Variants in CDH6 observed in about 807,000 individuals in gnomAD.
The protein encoded by CDH6 is cadherin-6.
In CDH6, 31 loss-of-function variants were observed where a neutral mutation model predicts 78.0. The ratio of observed to expected loss-of-function variants is 0.40; its 90% CI spans 0.30 to 0.54. CDH6 has a LOEUF of 0.54. Among genes scored for constraint, CDH6 ranks in the 20% least tolerant of loss-of-function variants. CDH6 has a pLI of 0.56. For synonymous variants in CDH6, 376 were observed against 368.8 expected (o/e 1.02, Z -0.23); for missense variants, 724 against 975.9 (o/e 0.74, Z 3.44).
chr5:31,233,120 T>G (rs748614255), intron 1 of CDH6, among the ~76,000 whole-genome samples: 2 of 152,078 alleles, frequency 1.3e-5, no homozygotes, highest in Non-Finnish European at 2.9e-5. Context: ...TAAACACACT[T>G]ATATATGCAC....
intron 1 of CDH6, among the ~76,000 whole-genome samples, chr5:31,238,778 C>G (rs564471510): frequency 9.2e-5 from 14 of 152,184 alleles, no homozygotes; most frequent in Non-Finnish European, 1.8e-4. Flanking sequence ...CTAATAGCTA[C>G]TGAACTGGAC....
intron 2 of CDH6, among the ~76,000 whole-genome samples, chr5:31,273,345 A>G (rs1171727411): frequency 6.6e-6 from 1 of 152,232 alleles, no homozygotes; most frequent in African/African-American, 2.4e-5. Flanking sequence ...TTCAAATAGC[A>G]ATGTCAGATG....
intron 6 of CDH6, among the ~76,000 whole-genome samples, 160 bp from the exon 7 acceptor site, chr5:31,305,014 A>T (rs866505333): frequency 6.6e-6 from 1 of 152,178 alleles, no homozygotes; most frequent in Non-Finnish European, 1.5e-5. Context: ...ATTACATCTT[A>T]TCTTTTCTCC....
chr5:31,279,170 G>A (rs1190806807), intron 2 of CDH6, among the ~76,000 whole-genome samples: 2 of 152,112 alleles, frequency 1.3e-5, no homozygotes, highest in African/African-American at 4.8e-5. Context: ...CAAAAACTTA[G>A]CTACAAATGG....
chr5:31,315,554 C>T (rs1738296223), intron 8 of CDH6, among the ~76,000 whole-genome samples: 1 of 152,222 alleles, frequency 6.6e-6, no homozygotes, highest in Non-Finnish European at 1.5e-5. Context: ...TCCGCTTTAT[C>T]ATTAATTCCA....
intron 1 of CDH6, among the ~76,000 whole-genome samples, chr5:31,253,718 A>G (rs1466811235): frequency 6.6e-6 from 1 of 152,148 alleles, no homozygotes; most frequent in Non-Finnish European, 1.5e-5. Context: ...TATCATATTT[A>G]ATTTTTATAA....
intron 2 of CDH6, among the ~76,000 whole-genome samples, chr5:31,290,006 G>A (rs112075700): frequency 0.018 from 2,751 of 151,020 alleles, 99 homozygotes; most frequent in African/African-American, 0.063. Context: ...CTGTAATCCC[G>A]GCACTTTGGG....
chr5:31,281,934 G>A (rs1742876597), intron 2 of CDH6, among the ~76,000 whole-genome samples: 1 of 151,988 alleles, frequency 6.6e-6, no homozygotes, highest in African/African-American at 2.4e-5. Context: ...AAAAAATGGA[G>A]AAAATAAAAG....
rs201490664 is a variant in CDH6, at chr5:31,308,141, A to G, written c.1253+2714A>G. 2.3e-4 allele frequency among the ~76,000 whole-genome samples: 35 copies of G among 152,268 alleles called. No individual in the cohort carries two copies. In the East Asian group the frequency reaches 6.7e-3, roughly 29 times the overall value. On this transcript the variant is annotated intron_variant, in intron 7 of 11. Coordinates refer to ENST00000265071, the MANE Select transcript of CDH6 (RefSeq NM_004932.4). Reference sequence around the variant, plus strand: ...AATGTTGAACAACTAAGTGCTAGACAATATGGTAGGTGAAAAATTAACACT... The same window carrying G: ...AATGTTGAACAACTAAGTGCTAGACGATATGGTAGGTGAAAAATTAACACT...
intron 1 of CDH6, among the ~76,000 whole-genome samples, chr5:31,199,515 TAC>T (rs534067181): frequency 0.015 from 1,433 of 93,612 alleles, 36 homozygotes; most frequent in African/African-American, 0.044. Context: ...TATATATATG[TAC>T]ACACACATAT....
At chr5:31,236,128 T>A (rs1437035433) in intron 1 of CDH6, among the ~76,000 whole-genome samples, 2 of 152,314 alleles carry the variant, frequency 1.3e-5, no homozygotes, top group East Asian at 3.9e-4. Flanking sequence ...TTTTTATTAA[T>A]GGTGTATATA....
At chr5:31,310,600 T>A (rs1738120732) in intron 7 of CDH6, among the ~76,000 whole-genome samples, 1 of 152,224 alleles carries the variant, frequency 6.6e-6, no homozygotes, top group African/African-American at 2.4e-5. Context: ...CCATGATGTC[T>A]CCACCACTGC....
intron 1 of CDH6, among the ~76,000 whole-genome samples, chr5:31,197,303 T>A (rs1740196479): frequency 6.6e-6 from 1 of 152,208 alleles, no homozygotes; most frequent in African/African-American, 2.4e-5. Flanking sequence ...ACTTCCAATT[T>A]AAAAATCTGT....
chr5:31,301,671 T>C (rs1286092717), intron 5 of CDH6, among the ~76,000 whole-genome samples: 1 of 152,226 alleles, frequency 6.6e-6, no homozygotes, highest in African/African-American at 2.4e-5. Flanking sequence ...CTATAATTTC[T>C]TTCCACCTCC....
At chr5:31,237,446 C>T (rs767248918) in intron 1 of CDH6, among the ~76,000 whole-genome samples, 11 of 152,062 alleles carry the variant, frequency 7.2e-5, no homozygotes, top group African/African-American at 2.7e-4. Flanking sequence ...CTTCATGTTG[C>T]TCACATCAGG....
chr5:31,245,294 A>G (rs111754117), intron 1 of CDH6, among the ~76,000 whole-genome samples: 1 of 152,254 alleles, frequency 6.6e-6, no homozygotes, highest in Admixed American at 6.5e-5. Flanking sequence ...TTCAACAGGC[A>G]GCGGGAGATC....
At chr5:31,210,479 G>A (rs1740671629) in intron 1 of CDH6, among the ~76,000 whole-genome samples, 1 of 152,126 alleles carries the variant, frequency 6.6e-6, no homozygotes, top group African/African-American at 2.4e-5. Flanking sequence ...ACTCCAGACT[G>A]GTTAACAGAA....
In CDH6 at chr5:31,316,304, T is replaced by C. The variant is rs369166972; in HGVS notation, c.1487T>C (p.Val496Ala). ...PEFAEFYETF[V>A]CEKAKADQLI... is the part of the protein sequence containing the mutation. ...TTTGCTGAGTTCTATGAAACTTTTGTCTGTGAAAAAGCAAAGGCAGATCAG... is the reference window on the plus strand; with the variant it reads ...TTTGCTGAGTTCTATGAAACTTTTGCCTGTGAAAAAGCAAAGGCAGATCAG... The change falls in exon 9 of 12, where the codon GTC (valine) becomes GCC (alanine). Residue 496 changes from valine (V) to alanine (A), a missense_variant. Val to Ala is a moderately conservative substitution (Grantham distance 64). Coordinates refer to ENST00000265071, the MANE Select transcript of CDH6 (RefSeq NM_004932.4). The C allele has an allele frequency of 1.9e-6, 3 of 1,613,222 alleles. No individual in the cohort carries two copies. The highest frequency in any genetic ancestry group is 2.5e-6 in the Non-Finnish European group (3 of 1,179,660).
intron 11 of CDH6, among the ~76,000 whole-genome samples, chr5:31,320,999 G>A (rs1442969045): frequency 2.0e-5 from 3 of 149,950 alleles, no homozygotes; most frequent in Non-Finnish European, 3.0e-5. Context: ...AAAAAAAACT[G>A]TGCTGTATGT....
Sources: allele counts gnomAD v4.1 joint callset (sites outside exome capture counted in the v4.1 genomes callset), GRCh38; gene constraint gnomAD v4.1.1; transcripts MANE v1.5; gene names NCBI Gene and HGNC (gene_info 2026-07-23, HGNC 2026-07-21).